The following RIMS4 variants were observed in gnomAD, a reference collection of about 807,000 sequenced individuals.
The protein encoded by RIMS4 is regulating synaptic membrane exocytosis protein 4.
A neutral mutation model predicts 29.0 loss-of-function variants in RIMS4; 9 were observed. That is an observed-to-expected ratio of 0.31 (90% CI 0.19 to 0.54). The LOEUF (loss-of-function observed/expected upper bound fraction) is 0.54, where lower values mean the gene tolerates loss of function less well. Among genes scored for constraint, RIMS4 ranks in the 20% least tolerant of loss-of-function variants. The pLI is 0.94. For synonymous variants in RIMS4, 130 were observed against 152.9 expected, an observed-to-expected ratio of 0.85 and a Z score of 1.10; for missense variants, 193 against 365.7, an observed-to-expected ratio of 0.53 and a Z score of 3.85.
At chr20:44,776,773 T>C (rs1440009593) in intron 1 of RIMS4, among the ~76,000 whole-genome samples, 1 of 152,220 alleles carries the variant, frequency 6.6e-6, no homozygotes, top group Non-Finnish European at 1.5e-5. Context: ...TTGTGCTAGA[T>C]GCCATGCCAA....
In RIMS4 at chr20:44,756,318, C is replaced by T. The variant is rs2066059863; in HGVS notation, c.626G>A (p.Arg209Gln). Residue 209 changes from arginine to glutamine, a missense_variant, in exon 6 of 6, where the codon CGG becomes CAG. Transcript: ENST00000372851. The surrounding 1 kb of genome is among the most constrained non-coding windows in gnomAD (Gnocchi z 5.9). ...GCGAGCCACACCCATGAACTGCTTCCGCTCCATCCGCCCGTAGTTCCCCCA... is the reference window on the plus strand; with the variant it reads ...GCGAGCCACACCCATGAACTGCTTCTGCTCCATCCGCCCGTAGTTCCCCCA... ...IVWGNYGRME[R>Q]KQFMGVARVL... 3.1e-6 allele frequency: 5 copies of T among 1,614,030 alleles called. No homozygotes were observed. Among genetic ancestry groups the T allele is most frequent in the East Asian group, 2.2e-5 (1 of 44,850 alleles).
At chr20:44,757,147 A>C (rs2145442165) in intron 4 of RIMS4, 110 bp from the exon 5 acceptor site, 2 of 1,265,332 alleles carry the variant, frequency 1.6e-6, no homozygotes, top group East Asian at 2.3e-5. Context: ...GTGTGCCCCC[A>C]TGGGGTCTGG....
intron 1 of RIMS4, among the ~76,000 whole-genome samples, chr20:44,807,403 G>C (rs2066303396): frequency 6.6e-6 from 1 of 152,202 alleles, no homozygotes; most frequent in Non-Finnish European, 1.5e-5. Context: ...CTAGCAAAAG[G>C]ATGGCAACTA....
intron 1 of RIMS4, among the ~76,000 whole-genome samples, chr20:44,777,380 GGAT>G (rs2066164727): frequency 6.6e-6 from 1 of 152,104 alleles, no homozygotes; most frequent in African/African-American, 2.4e-5. Flanking sequence ...ATAAGGAACA[GGAT>G]AATAAAACGA....
At chr20:44,780,268 G>T (rs1442531015) in intron 1 of RIMS4, among the ~76,000 whole-genome samples, 1 of 152,210 alleles carries the variant, frequency 6.6e-6, no homozygotes, top group Non-Finnish European at 1.5e-5. Flanking sequence ...TCCCTTGGTG[G>T]TATATAAAGT....
rs188413872 is a variant in RIMS4, at chr20:44,791,809, G to C, written c.97+18366C>G. Among the ~76,000 whole-genome samples the C allele has an allele frequency of 3.3e-5, 5 of 152,298 alleles. No homozygotes were observed. The East Asian group carries it at 9.6e-4, about 29-fold the overall frequency. On this transcript the variant is annotated intron_variant, in intron 1 of 5. Coordinates refer to ENST00000372851, the MANE Select transcript of RIMS4 (RefSeq NM_182970.4). ...GTTAAGTCCTGCTCCTCTAAGCAGA[G>C]GCCCCAGAGGCCTGACGATGATGCT...
intron 1 of RIMS4, among the ~76,000 whole-genome samples, chr20:44,786,262 G>A (rs2066208084): frequency 6.6e-6 from 1 of 152,122 alleles, no homozygotes; most frequent in Non-Finnish European, 1.5e-5. Flanking sequence ...CTGAGGGAGG[G>A]GAACCACACC....
At chr20:44,783,153 T>C (rs938262708) in intron 1 of RIMS4, among the ~76,000 whole-genome samples, 2 of 152,182 alleles carry the variant, frequency 1.3e-5, no homozygotes, top group South Asian at 2.1e-4. Flanking sequence ...CAAGTAAAGG[T>C]TGGAGAGGAA....
intron 1 of RIMS4, among the ~76,000 whole-genome samples, chr20:44,797,689 T>G (rs1038827816): frequency 2.0e-5 from 3 of 152,216 alleles, no homozygotes; most frequent in Admixed American, 6.6e-5. Flanking sequence ...GCAGGGCAAG[T>G]GTCATCATGC....
intron 1 of RIMS4, among the ~76,000 whole-genome samples, chr20:44,775,179 C>T (rs1415552187): frequency 3.9e-5 from 6 of 152,124 alleles, no homozygotes; most frequent in African/African-American, 1.4e-4. Flanking sequence ...AACACACTGA[C>T]GGGAGCCAGG....
intron 1 of RIMS4, among the ~76,000 whole-genome samples, chr20:44,782,475 C>G (rs1189416554): frequency 1.3e-5 from 2 of 152,018 alleles, no homozygotes; most frequent in African/African-American, 4.8e-5. Flanking sequence ...TGGGGTTTCA[C>G]CATGTTGGCC....
At position 44,753,210 on chromosome 20, in the gene RIMS4, C is replaced by T. The variant is rs1372604639; in HGVS notation, c.*2924G>A. 3 of 152,696 alleles carry T rather than the reference C, an allele frequency of 2.0e-5. No homozygotes were observed. Among genetic ancestry groups the T allele is most frequent in the Admixed American group, 6.5e-5 (1 of 15,282 alleles). 9.5% of individuals were successfully genotyped at this position (152,696 alleles called of 1,614,324 possible). ...CTTGTCCTGCCCATCTTTTGGGGGGCCATTAGGCTTCAAAGAAAGAAGGGA... is the reference window on the plus strand; with the variant it reads ...CTTGTCCTGCCCATCTTTTGGGGGGTCATTAGGCTTCAAAGAAAGAAGGGA... On this transcript the variant is annotated 3_prime_UTR_variant, in exon 6 of 6. Coordinates refer to ENST00000372851, the MANE Select transcript of RIMS4 (RefSeq NM_182970.4).
chr20:44,761,113 A>C (rs889123418), intron 2 of RIMS4, among the ~76,000 whole-genome samples: 3 of 152,200 alleles, frequency 2.0e-5, no homozygotes, highest in African/African-American at 7.2e-5. Flanking sequence ...AGTTTCCAGC[A>C]AACAGAGGAC....
chr20:44,768,953 C>T (rs536313221), intron 2 of RIMS4, among the ~76,000 whole-genome samples: 1 of 152,328 alleles, frequency 6.6e-6, no homozygotes, highest in East Asian at 1.9e-4. Context: ...AGTTCTTTTA[C>T]ATGTATTAAC....
chr20:44,810,111 A>AG (rs1323158592), intron 1 of RIMS4, 64 bp downstream of exon 1: 1 of 702,442 alleles, frequency 1.4e-6, no homozygotes, highest in Admixed American at 3.1e-5. Flanking sequence ...CGGGTCGGGG[A>AG]GGGGGCTACC....
intron 1 of RIMS4, among the ~76,000 whole-genome samples, 155 bp downstream of exon 1, chr20:44,810,020 G>T (rs1220370751): frequency 6.6e-6 from 1 of 151,558 alleles, no homozygotes; most frequent in African/African-American, 2.4e-5. Flanking sequence ...AGCGCATCCT[G>T]GAGACCCTGG....
chr20:44,773,700 T>C (rs1209072077), intron 1 of RIMS4, among the ~76,000 whole-genome samples: 2 of 152,164 alleles, frequency 1.3e-5, no homozygotes, highest in African/African-American at 2.4e-5. Context: ...CCCAGAGCTG[T>C]GCCTTGCATC....
At chr20:44,778,887 A>G (rs2066171800) in intron 1 of RIMS4, among the ~76,000 whole-genome samples, 1 of 152,112 alleles carries the variant, frequency 6.6e-6, no homozygotes, top group Admixed American at 6.5e-5. Flanking sequence ...TTCCTCCTCT[A>G]TGCTAACTGG....
chr20:44,795,471 T>C (rs946221273), intron 1 of RIMS4, among the ~76,000 whole-genome samples: 1 of 151,712 alleles, frequency 6.6e-6, no homozygotes, highest in South Asian at 2.1e-4. Context: ...CCATCTCCAC[T>C]AAAACAAAAA....
Sources: gnomAD v4.1 joint callset for allele counts (sites outside exome capture counted in the v4.1 genomes callset) on GRCh38, gnomAD v4.1.1 for gene constraint, Gnocchi (gnomAD v3.1) non-coding constraint, MANE v1.5 for transcripts, NCBI Gene and HGNC (gene_info 2026-07-23, HGNC 2026-07-21) for gene names.